Variants in ZNF614 observed in about 807,000 individuals in gnomAD.
ZNF614 encodes the protein zinc finger protein 614.
In ZNF614, 11 loss-of-function variants were observed where a neutral mutation model predicts 12.8. The observed-to-expected ratio is 0.86, with a 90% CI of 0.54 to 1.43. The LOEUF (loss-of-function observed/expected upper bound fraction) is 1.43, where lower values mean the gene tolerates loss of function less well. ZNF614 is among the 40% of genes most tolerant of loss of function. The pLI, the probability that ZNF614 is intolerant of heterozygous loss-of-function variation, is 0.00. For synonymous variants in ZNF614, 237 were observed against 237.5 expected, an observed-to-expected ratio of 1.00 and a Z score of 0.02; for missense variants, 664 against 708.8, an observed-to-expected ratio of 0.94 and a Z score of 0.72.
chr19:52,026,912 C>A, intron 1 of ZNF614, among the ~76,000 whole-genome samples: 1 of 152,334 alleles, frequency 6.6e-6, no homozygotes, highest in African/African-American at 2.4e-5. Flanking sequence ...CCTTTGTTCA[C>A]ATGTTTTCCT....
chr19:52,018,283 G>T, intron 3 of ZNF614, 85 bp downstream of exon 3: 1 of 1,597,926 alleles, frequency 6.3e-7, no homozygotes, highest in Non-Finnish European at 8.6e-7. Context: ...ACACCACAGT[G>T]ACTGTAAAGC....
In ZNF614 at chr19:52,013,712, G is replaced by A. The variant is rs1423616191; in HGVS notation, c.*2128C>T. ...AGAGTTAGGTTTGGATGGAGTGTAA[G>A]CATAAAAAGGTAGCATGAGGGACTT... On this transcript the variant is annotated 3_prime_UTR_variant, in exon 5 of 5. Transcript: ENST00000270649. 6.6e-6 allele frequency: 1 copy of A among 152,198 alleles called. No homozygotes were observed. Among genetic ancestry groups the A allele is most frequent in the Non-Finnish European group, 1.5e-5 (1 of 68,050 alleles). 9.4% of individuals were successfully genotyped at this position (152,198 alleles called of 1,614,324 possible).
rs1226061169 is a variant in ZNF614 at position 52,014,305 on chromosome 19, G to A, written c.*1535C>T. The A allele has an allele frequency of 1.3e-5, 2 of 152,116 alleles. No individual in the cohort carries two copies. The highest frequency in any genetic ancestry group is 2.9e-5 in the Non-Finnish European group (2 of 68,034). 9.4% of individuals were successfully genotyped at this position (152,116 alleles called of 1,614,324 possible). A position where few individuals can be genotyped will look rare whatever the true frequency, so the allele number is the denominator to read the frequency against. ...ACACTAACTTCTCCAAGTTAGTGCA[G>A]ACTCCACAAGTTAGTGCAGTCCAAG... On this transcript the variant is annotated 3_prime_UTR_variant, in exon 5 of 5. Transcript: ENST00000270649.
At chr19:52,022,638 A>T (rs1303208006) in intron 2 of ZNF614, among the ~76,000 whole-genome samples, 13 of 151,992 alleles carry the variant, frequency 8.6e-5, no homozygotes, top group Non-Finnish European at 1.6e-4. Context: ...GATGCCAGTC[A>T]CAAGTCCTGG....
At chr19:52,017,548 A>G in intron 4 of ZNF614, 189 bp from the exon 5 acceptor site, 1 of 538,832 alleles carries the variant, frequency 1.9e-6, no homozygotes. Context: ...CTAAAATTAC[A>G]AAATTAGCCG....
At chr19:52,023,218 G>C (rs1287853875) in intron 2 of ZNF614, among the ~76,000 whole-genome samples, 2 of 150,280 alleles carry the variant, frequency 1.3e-5, no homozygotes, top group Non-Finnish European at 3.0e-5. Flanking sequence ...ACCCAGGCTG[G>C]AGTGCAGTGG....
rs140351655 is a variant in ZNF614, at chr19:52,025,897, C to T, written c.-152G>A. On this transcript the variant is annotated 5_prime_UTR_variant, in exon 2 of 5. Transcript: ENST00000270649. ...AAATTATGATATCCAAGGCCAGCAA[C>T]CTCCTTCTTCTTCCTTCATTGCTTC... is the stretch of plus-strand genomic sequence containing the variant. 3 of 754,218 alleles carry T rather than the reference C, an allele frequency of 4.0e-6. No homozygotes were observed. The highest frequency in any genetic ancestry group is 6.5e-6 in the Non-Finnish European group (3 of 460,898). 46.7% of individuals were successfully genotyped at this position (754,218 alleles called of 1,614,324 possible).
At chr19:52,024,261 G>T (rs1285682318) in intron 2 of ZNF614, among the ~76,000 whole-genome samples, 3 of 152,208 alleles carry the variant, frequency 2.0e-5, no homozygotes, top group Non-Finnish European at 2.9e-5. Context: ...GAAGGGGGTT[G>T]TGGGGACATC....
chr19:52,016,182 T>C lies in ZNF614; in HGVS notation c.1416A>G (p.Gln472=), dbSNP rs143573470. 426 of 1,614,106 alleles carry C rather than the reference T, an allele frequency of 2.6e-4. No homozygotes were observed. Among genetic ancestry groups the C allele is most frequent in the Non-Finnish European group, 3.2e-4 (383 of 1,179,938 alleles). Residue 472 remains glutamine, a synonymous_variant, in exon 5 of 5, where the codon CAA becomes CAG. Transcript: ENST00000270649. ...TCTTTCCTGTATGACATCTCTCATG[T>C]TGTATGAGGCATATTTTCTGGCTGA... is the stretch of plus-strand genomic sequence containing the variant. ...KAFSQKICLI[Q]HERCHTGKTP...
Position 52,025,853 on chromosome 19 carries a change from C to A in ZNF614, c.-108G>T. 8.3e-7 allele frequency: 1 copy of A among 1,206,504 alleles called. No individual in the cohort carries two copies. The highest frequency in any genetic ancestry group is 1.4e-5 in the South Asian group (1 of 73,940). 74.7% of individuals were successfully genotyped at this position (1,206,504 alleles called of 1,614,324 possible). A position where few individuals can be genotyped will look rare whatever the true frequency, so the allele number is the denominator to read the frequency against. ...TTTCCTAGTCAGAAATATTAGTGTC[C>A]ACTTAAAGTTGTCCCCAGAAATTAT... On this transcript the variant is annotated 5_prime_UTR_variant, in exon 2 of 5. Coordinates refer to ENST00000270649, the MANE Select transcript of ZNF614 (RefSeq NM_025040.4).
At chr19:52,020,716 A>C (rs2086928130) in intron 2 of ZNF614, among the ~76,000 whole-genome samples, 1 of 152,154 alleles carries the variant, frequency 6.6e-6, no homozygotes, top group Admixed American at 6.5e-5. Context: ...GGCAGCCCCT[A>C]TCCAGAGTCA....
rs2086967149 is a variant in ZNF614, at chr19:52,025,773, T to C, written c.-28A>G. On this transcript the variant is annotated 5_prime_UTR_variant, in exon 2 of 5. Coordinates refer to ENST00000270649, the MANE Select transcript of ZNF614 (RefSeq NM_025040.4). ...TCTTCTGTGCTCAGAAAATAGTGGA[T>C]AACATGGACTATACGTCTTTGTCTC... is the stretch of plus-strand genomic sequence containing the variant. 1.2e-6 allele frequency: 2 copies of C among 1,613,018 alleles called. No individual in the cohort carries two copies. The highest frequency in any genetic ancestry group is 2.2e-5 in the South Asian group (2 of 90,928).
chr19:52,016,689 A>C lies in ZNF614; in HGVS notation c.909T>G (p.Ile303Met). 1 of 1,614,222 alleles carries C rather than the reference A, an allele frequency of 6.2e-7. No individual in the cohort carries two copies. The highest frequency in any genetic ancestry group is 2.2e-5 in the East Asian group (1 of 44,888). ...CTCCACTATGAGTTCGCTGATGAGCAATTAGATAGCGCTTCATTGTAAAGC... is the reference window on the plus strand; with the variant it reads ...CTCCACTATGAGTTCGCTGATGAGCCATTAGATAGCGCTTCATTGTAAAGC... ...GKGFTMKRYL[I>M]AHQRTHSGEK... The change falls in exon 5 of 5, where the codon ATT (isoleucine) becomes ATG (methionine). Residue 303 changes from isoleucine (I) to methionine (M), a missense_variant. Transcript: ENST00000270649.
Position 52,026,504 on chromosome 19 carries a change from G to A in ZNF614, c.-216-543C>T, listed in dbSNP as rs187757567. Among the ~76,000 whole-genome samples the A allele has an allele frequency of 5.4e-3, 817 of 152,286 alleles. 4 individuals are homozygous for A. The highest frequency in any genetic ancestry group is 0.014 in the Middle Eastern group (4 of 294). ...ACTACCCAGAGACACAATACACTGC[G>A]GAAGGCCGCGGGGACCTCTGCCTAG... On this transcript the variant is annotated intron_variant, in intron 1 of 4. Transcript: ENST00000270649.
At chr19:52,022,929 A>C (rs964587085) in intron 2 of ZNF614, among the ~76,000 whole-genome samples, 5 of 151,716 alleles carry the variant, frequency 3.3e-5, no homozygotes, top group African/African-American at 1.2e-4. Flanking sequence ...GAGTACAAAA[A>C]ATTAGCCGGG....
chr19:52,023,945 G>C (rs906970857), intron 2 of ZNF614, among the ~76,000 whole-genome samples: 11 of 152,214 alleles, frequency 7.2e-5, no homozygotes, highest in Admixed American at 6.5e-4. Flanking sequence ...GGAAGGGAGA[G>C]GTGATGGAAA....
At chr19:52,024,725 A>G (rs2086959286) in intron 2 of ZNF614, among the ~76,000 whole-genome samples, 1 of 152,206 alleles carries the variant, frequency 6.6e-6, no homozygotes, top group Admixed American at 6.5e-5. Flanking sequence ...TATGCTTGTT[A>G]AAAGTCATCA....
Position 52,016,227 on chromosome 19 carries a change from G to A in ZNF614, c.1371C>T (p.Cys457=). 1 of 1,614,176 alleles carries A rather than the reference G, an allele frequency of 6.2e-7. No homozygotes were observed. The highest frequency in any genetic ancestry group is 8.5e-7 in the Non-Finnish European group (1 of 1,180,032). ...RTHTGEKPYE[C]NECGKAFSQK... is the part of the protein sequence containing the mutation. ...GGCTGAAGGCTTTACCACATTCATTGCATTCATAGGGTTTTTCTCCTGTAT... is the reference window on the plus strand; with the variant it reads ...GGCTGAAGGCTTTACCACATTCATTACATTCATAGGGTTTTTCTCCTGTAT... The change falls in exon 5 of 5, where the codon TGC becomes TGT. Residue 457 remains cysteine, a synonymous_variant. Transcript: ENST00000270649.
rs2086891632 is a variant in ZNF614, at chr19:52,015,698, GGACA to G, written c.*138_*141del. The G allele has an allele frequency of 3.9e-6, 3 of 774,698 alleles. No individual in the cohort carries two copies. Among genetic ancestry groups the G allele is most frequent in the Admixed American group, 2.6e-5 (1 of 38,266 alleles). The allele number at this position is 774,698 out of a possible 1,614,324, so 48.0% of individuals were successfully genotyped here. ...TAGGGCAAATTATTTCACCTCCTGAGGACAGACACACATCTGTCAACAGGCAGCA... is the reference window on the plus strand; with the variant it reads ...TAGGGCAAATTATTTCACCTCCTGAGGACACACATCTGTCAACAGGCAGCA... On this transcript the variant is annotated 3_prime_UTR_variant, in exon 5 of 5. Transcript: ENST00000270649.
Sources: allele counts gnomAD v4.1 joint callset (sites outside exome capture counted in the v4.1 genomes callset), GRCh38; gene constraint gnomAD v4.1.1; transcripts MANE v1.5; gene names NCBI Gene and HGNC (gene_info 2026-07-23, HGNC 2026-07-21).